The following HECW1 variants were observed in gnomAD, a reference collection of about 807,000 sequenced individuals.
HECW1 encodes the protein E3 ubiquitin-protein ligase HECW1.
In HECW1, 61 loss-of-function variants were observed where a neutral mutation model predicts 182.3. The observed-to-expected ratio is 0.33, with a 90% CI of 0.27 to 0.41. HECW1 has a LOEUF of 0.41. HECW1 is among the 10% of genes least tolerant of loss of function. HECW1 has a pLI of 1.00. For synonymous variants in HECW1, 859 were observed against 832.6 expected (o/e 1.03, Z -0.55); for missense variants, 1,739 against 2,108.9 (o/e 0.82, Z 3.44).
chr7:43,151,181 T>C (rs1243637304), intron 2 of HECW1, among the ~76,000 whole-genome samples: 1 of 152,164 alleles, frequency 6.6e-6, no homozygotes, highest in Non-Finnish European at 1.5e-5. Flanking sequence ...CTCAGTAATT[T>C]GGAAAAAATT....
chr7:43,552,614 G>A (rs2081878002), intron 28 of HECW1, among the ~76,000 whole-genome samples: 1 of 152,112 alleles, frequency 6.6e-6, no homozygotes. Flanking sequence ...TCTGCCTTCT[G>A]TCTCAATGGA....
chr7:43,170,997 G>A (rs1791628920), intron 2 of HECW1, among the ~76,000 whole-genome samples: 1 of 152,230 alleles, frequency 6.6e-6, no homozygotes, highest in South Asian at 2.1e-4. Context: ...TGACACTGTT[G>A]TGGATCAGTC....
rs1174257532 is a variant in HECW1 at position 43,342,445 on chromosome 7, T to G, written c.461-18441T>G. The stretch of plus-strand genomic sequence containing the variant: ...GACTCAAGGTTTTATACAATTAATG[T>G]TGATTATTTCTCTAAAAGTACTGCT... On this transcript the variant is annotated intron_variant, in intron 5 of 29. Coordinates refer to ENST00000395891, the MANE Select transcript of HECW1 (RefSeq NM_015052.5). 1.3e-5 allele frequency among the ~76,000 whole-genome samples: 2 copies of G among 151,776 alleles called. 1 individual carries two copies. Among genetic ancestry groups the G allele is most frequent in the African/African-American group, 4.9e-5 (2 of 41,054 alleles).
intron 3 of HECW1, among the ~76,000 whole-genome samples, chr7:43,267,819 C>A (rs17796449): frequency 6.6e-6 from 1 of 151,916 alleles, no homozygotes; most frequent in East Asian, 1.9e-4. Context: ...ATTTGAAAGA[C>A]TTGATGAGTT....
chr7:43,510,910 A>G (rs1264580710), intron 24 of HECW1: 2 of 152,240 alleles, frequency 1.3e-5, no homozygotes, highest in Admixed American at 6.5e-5. Context: ...TGGCTGGACT[A>G]CCTGTTAAAA....
At chr7:43,276,308 G>A (rs866139324) in intron 3 of HECW1, among the ~76,000 whole-genome samples, 3 of 152,116 alleles carry the variant, frequency 2.0e-5, no homozygotes, top group African/African-American at 7.2e-5. Flanking sequence ...CTTTGTGTGT[G>A]GGGGTCCCCT....
At position 43,407,079 on chromosome 7, in the gene HECW1, A is replaced by G. The variant is rs1280391592; in HGVS notation, c.632-483A>G. Among the ~76,000 whole-genome samples the G allele has an allele frequency of 2.0e-5, 3 of 152,112 alleles. No individual in the cohort carries two copies. In the East Asian group the frequency reaches 5.8e-4, roughly 29 times the overall value. ...GTACATGGTCAGATATCTTCAATTA[A>G]ACAGAACAGCTCGATTTTCAAAGCC... On this transcript the variant is annotated intron_variant, in intron 7 of 29. Coordinates refer to ENST00000395891, the MANE Select transcript of HECW1 (RefSeq NM_015052.5).
chr7:43,123,137 A>AT (rs1171318588), intron 2 of HECW1, among the ~76,000 whole-genome samples: 1 of 152,232 alleles, frequency 6.6e-6, no homozygotes, highest in Non-Finnish European at 1.5e-5. Flanking sequence ...TGCACTATTC[A>AT]TGGAGCATCT....
chr7:43,159,896 G>C (rs1027920589), intron 2 of HECW1, among the ~76,000 whole-genome samples: 4 of 152,024 alleles, frequency 2.6e-5, no homozygotes, highest in Non-Finnish European at 4.4e-5. Context: ...AGCCAGGATG[G>C]TCTCGATGTC....
intron 2 of HECW1, among the ~76,000 whole-genome samples, chr7:43,143,425 A>G (rs892060402): frequency 6.6e-6 from 1 of 152,196 alleles, no homozygotes; most frequent in Non-Finnish European, 1.5e-5. Flanking sequence ...CTAGGGCTAC[A>G]GGGATGCACC....
At chr7:43,520,044 C>G (rs2080384276) in intron 24 of HECW1, among the ~76,000 whole-genome samples, 1 of 152,152 alleles carries the variant, frequency 6.6e-6, no homozygotes, top group Non-Finnish European at 1.5e-5. Flanking sequence ...AAATCTCTTA[C>G]AGCCAAGATG....
At chr7:43,306,743 G>T (rs977572062) in intron 3 of HECW1, among the ~76,000 whole-genome samples, 1 of 151,868 alleles carries the variant, frequency 6.6e-6, no homozygotes, top group Non-Finnish European at 1.5e-5. Flanking sequence ...GACTTAGTTA[G>T]ATAAAAACTG....
chr7:43,340,451 C>G (rs2152799791), intron 5 of HECW1, among the ~76,000 whole-genome samples: 1 of 151,252 alleles, frequency 6.6e-6, no homozygotes, highest in East Asian at 1.9e-4. Flanking sequence ...ACACTCCTGA[C>G]CTCAGGTGAT....
chr7:43,221,673 C>A (rs1796986488), intron 2 of HECW1, among the ~76,000 whole-genome samples: 1 of 147,944 alleles, frequency 6.8e-6, no homozygotes, highest in South Asian at 2.2e-4. Context: ...CCTGCCTCAG[C>A]CTCCCGAGTA....
rs1322975928 is a variant in HECW1, at chr7:43,246,594, C to T, written c.27+2662C>T. On this transcript the variant is annotated intron_variant, in intron 3 of 29. Coordinates refer to ENST00000395891, the MANE Select transcript of HECW1 (RefSeq NM_015052.5). ...ACCTGACGGGAACTAAGCCTTTCCA[C>T]ATCTGTGAATAAGAGAATGAGAAAG... is the stretch of plus-strand genomic sequence containing the variant. Among the ~76,000 whole-genome samples the T allele has an allele frequency of 3.9e-5, 6 of 152,220 alleles. No homozygotes were observed. The South Asian group carries it at 8.3e-4, about 21-fold the overall frequency.
chr7:43,134,718 G>A (rs1185252268), intron 2 of HECW1, among the ~76,000 whole-genome samples: 1 of 97,444 alleles, frequency 1.0e-5, no homozygotes, highest in Non-Finnish European at 2.0e-5. Context: ...TCAATATTTG[G>A]GGGATTTTTT....
At chr7:43,251,421 A>G (rs539220381) in intron 3 of HECW1, among the ~76,000 whole-genome samples, 1 of 152,120 alleles carries the variant, frequency 6.6e-6, no homozygotes, top group East Asian at 1.9e-4. Flanking sequence ...GCAATTCTCC[A>G]GCCTCAGCCT....
chr7:43,463,129 G>A (rs1170906496), intron 13 of HECW1, among the ~76,000 whole-genome samples: 2 of 152,152 alleles, frequency 1.3e-5, no homozygotes, highest in African/African-American at 4.8e-5. Flanking sequence ...CCCAACTTGG[G>A]AAGAAAAACA....
At chr7:43,362,858 A>G (rs1816140468) in intron 6 of HECW1, among the ~76,000 whole-genome samples, 1 of 152,236 alleles carries the variant, frequency 6.6e-6, no homozygotes, top group African/African-American at 2.4e-5. Context: ...TGAGGCAGAC[A>G]CAAGGATCCC....
Sources: allele counts gnomAD v4.1 joint callset (sites outside exome capture counted in the v4.1 genomes callset), GRCh38; gene constraint gnomAD v4.1.1; transcripts MANE v1.5; gene names NCBI Gene and HGNC (gene_info 2026-07-23, HGNC 2026-07-21).